OR14A2: variants seen among roughly 807,000 people sequenced by gnomAD.
OR14A2 encodes olfactory receptor family 14 subfamily A member 2.
For synonymous variants in OR14A2, 114 were observed against 58.6 expected (o/e 1.95, Z -4.32); for missense variants, 237 against 152.9 (o/e 1.55, Z -2.90).
chr1:247,738,783 A>G, the OR14A2 span: 3 of 780,792 alleles, frequency 3.8e-6, no homozygotes, highest in Admixed American at 3.4e-5. Flanking sequence ...CCACATGGCA[A>G]TGTACTTTTT....
At chr1:247,730,077 A>G in the OR14A2 span, among the ~76,000 whole-genome samples, 1 of 152,048 alleles carries the variant, frequency 6.6e-6, no homozygotes, top group African/African-American at 2.4e-5. Flanking sequence ...TTAGTTTTCA[A>G]AATTTTGTGG....
the OR14A2 span, among the ~76,000 whole-genome samples, chr1:247,735,649 C>T: frequency 1.3e-5 from 2 of 152,242 alleles, no homozygotes; most frequent in East Asian, 3.9e-4. Context: ...GCTTTAAAAG[C>T]CTTGCTCCTT....
chr1:247,723,672 G>A, exon 1 of OR14A2: 1 of 718,686 alleles, frequency 1.4e-6, no homozygotes, highest in Non-Finnish European at 2.6e-6. Context: ...GGGGACAGCA[G>A]ATGGCTACAT....
chr1:247,732,787 C>T, the OR14A2 span, among the ~76,000 whole-genome samples: 1 of 152,228 alleles, frequency 6.6e-6, no homozygotes, highest in African/African-American at 2.4e-5. Context: ...GATATCCACA[C>T]AACAACATGG....
At chr1:247,728,174 A>G (rs552970469), upstream of OR14A2, among the ~76,000 whole-genome samples, 94 of 152,270 alleles carry the variant, frequency 6.2e-4, 1 homozygote, top group African/African-American at 2.0e-3. Context: ...AAAATCCTCA[A>G]CAAAATTCTG....
chr1:247,732,938 G>T, the OR14A2 span, among the ~76,000 whole-genome samples: 1 of 152,108 alleles, frequency 6.6e-6, no homozygotes, highest in East Asian at 1.9e-4. Context: ...ATCTGGGAAG[G>T]CTCTGGGCAT....
the OR14A2 span, among the ~76,000 whole-genome samples, chr1:247,730,449 GT>G: frequency 6.6e-6 from 1 of 151,860 alleles, no homozygotes; most frequent in East Asian, 1.9e-4. Context: ...GTTTTTTACT[GT>G]TTTATTTCCT....
the OR14A2 span, among the ~76,000 whole-genome samples, chr1:247,729,740 C>A: frequency 6.6e-6 from 1 of 151,942 alleles, no homozygotes; most frequent in Non-Finnish European, 1.5e-5. Flanking sequence ...CACAAAAACC[C>A]CACAGAATAC....
At chr1:247,735,566 A>G in the OR14A2 span, among the ~76,000 whole-genome samples, 7 of 152,210 alleles carry the variant, frequency 4.6e-5, no homozygotes, top group Non-Finnish European at 1.0e-4. Context: ...CCTATGAAAT[A>G]AAATATAAGT....
chr1:247,733,074 G>A, the OR14A2 span, among the ~76,000 whole-genome samples: 3 of 152,096 alleles, frequency 2.0e-5, no homozygotes, highest in Non-Finnish European at 4.4e-5. Flanking sequence ...CTGAGACTGC[G>A]GCCCTCAGGA....
At chr1:247,739,270 T>C in the OR14A2 span, 1 of 780,772 alleles carries the variant, frequency 1.3e-6, no homozygotes, top group Non-Finnish European at 2.4e-6. Context: ...TATGTGTACA[T>C]TTTCTCTGCT....
the OR14A2 span, among the ~76,000 whole-genome samples, chr1:247,737,812 A>G: frequency 3.3e-5 from 5 of 152,196 alleles, no homozygotes; most frequent in Admixed American, 6.5e-5. Context: ...CTGAATGTCT[A>G]TCACATAAGA....
At chr1:247,727,388 C>G (rs1032698683), upstream of OR14A2, among the ~76,000 whole-genome samples, 1 of 151,704 alleles carries the variant, frequency 6.6e-6, no homozygotes, top group Non-Finnish European at 1.5e-5. Flanking sequence ...GATTTTGTAT[C>G]CTGAGACTTT....
upstream of OR14A2, among the ~76,000 whole-genome samples, chr1:247,727,980 A>G (rs1246514359): frequency 6.9e-6 from 1 of 145,300 alleles, no homozygotes; most frequent in Non-Finnish European, 1.5e-5. Flanking sequence ...TCACAGCCGA[A>G]TTCTACCAGA....
chr1:247,732,833 A>C, the OR14A2 span, among the ~76,000 whole-genome samples: 1 of 152,148 alleles, frequency 6.6e-6, no homozygotes, highest in Non-Finnish European at 1.5e-5. Context: ...GTGAAGAAGC[A>C]AGTCTGAAAG....
the OR14A2 span, among the ~76,000 whole-genome samples, chr1:247,742,338 A>G: frequency 7.2e-6 from 1 of 138,556 alleles, no homozygotes; most frequent in Non-Finnish European, 1.6e-5. Flanking sequence ...GTAATCTGAC[A>G]TCACAAGATT....
the OR14A2 span, among the ~76,000 whole-genome samples, chr1:247,740,475 T>C: frequency 6.6e-6 from 1 of 152,236 alleles, no homozygotes; most frequent in African/African-American, 2.4e-5. Context: ...TTTTCTCATG[T>C]CTTTTTAAAA....
chr1:247,724,004 C>A (rs1228761346), exon 1 of OR14A2: 1 of 714,580 alleles, frequency 1.4e-6, no homozygotes, highest in East Asian at 2.7e-5. Context: ...TTAGAAAACC[C>A]CATAAGAAGA....
At chr1:247,746,589 C>T in the OR14A2 span, 1 of 152,202 alleles carries the variant, frequency 6.6e-6, no homozygotes, top group African/African-American at 2.4e-5. Context: ...GTTTTCAAAT[C>T]CAGCCCCCAC....
Sources: gnomAD v4.1 joint callset for allele counts (sites outside exome capture counted in the v4.1 genomes callset) on GRCh38, gnomAD v4.1.1 for gene constraint, MANE v1.5 for transcripts, NCBI Gene and HGNC (gene_info 2026-07-23, HGNC 2026-07-21) for gene names.